AHCYL2: variants seen among roughly 807,000 people sequenced by gnomAD.
AHCYL2 encodes adenosylhomocysteinase like 2, also known as S-adenosylhomocysteine hydrolase-like protein 2.
A neutral mutation model predicts 81.4 loss-of-function variants in AHCYL2; 28 were observed. The observed-to-expected ratio is 0.34, with a 90% CI of 0.25 to 0.47. The LOEUF (loss-of-function observed/expected upper bound fraction) is 0.47, where lower values mean the gene tolerates loss of function less well. AHCYL2 is among the 20% of genes least tolerant of loss of function. The pLI is 1.00. For missense variants in AHCYL2, 551 were observed against 785.1 expected (o/e 0.70, Z 3.56); for synonymous variants, 272 against 290.2 (o/e 0.94, Z 0.64).
intron 1 of AHCYL2, among the ~76,000 whole-genome samples, chr7:129,359,008 T>G (rs1793841101): frequency 6.6e-6 from 1 of 152,198 alleles, no homozygotes; most frequent in African/African-American, 2.4e-5. Flanking sequence ...CCTAGATATA[T>G]ATCCGTAGAA....
At chr7:129,261,275 G>C (rs1387996496) in intron 1 of AHCYL2, among the ~76,000 whole-genome samples, 2 of 151,900 alleles carry the variant, frequency 1.3e-5, no homozygotes, top group Non-Finnish European at 2.9e-5. Flanking sequence ...GATAGGTTTA[G>C]ATCACCAGAA....
chr7:129,353,192 C>T (rs190833410), intron 1 of AHCYL2, among the ~76,000 whole-genome samples: 1 of 152,138 alleles, frequency 6.6e-6, no homozygotes, highest in African/African-American at 2.4e-5. Context: ...AGGTGATCCA[C>T]CTGCCTCGGC....
At chr7:129,243,164 G>C (rs1310966173) in intron 1 of AHCYL2, among the ~76,000 whole-genome samples, 1 of 151,712 alleles carries the variant, frequency 6.6e-6, no homozygotes, top group Non-Finnish European at 1.5e-5. Flanking sequence ...GGGATTACAG[G>C]CGCCTGCCAC....
chr7:129,327,543 T>C (rs1344491971), intron 1 of AHCYL2, among the ~76,000 whole-genome samples: 2 of 152,154 alleles, frequency 1.3e-5, no homozygotes, highest in African/African-American at 4.8e-5. Flanking sequence ...CTTGGCTTAC[T>C]GCAACCTCTG....
intron 1 of AHCYL2, among the ~76,000 whole-genome samples, chr7:129,250,046 C>CTGT (rs59434553): frequency 3.3e-3 from 508 of 152,246 alleles, no homozygotes; most frequent in African/African-American, 0.012. Flanking sequence ...TGGCCCACAC[C>CTGT]ACTCCCAACT....
chr7:129,398,327 T>C (rs1012218889), intron 5 of AHCYL2, among the ~76,000 whole-genome samples: 1 of 144,494 alleles, frequency 6.9e-6, no homozygotes, highest in Non-Finnish European at 1.5e-5. Context: ...TTTTTTCTGT[T>C]TTTTTTTTTA....
rs922550669 is a variant in AHCYL2, at chr7:129,279,565, T to C, written c.363+54126T>C. On this transcript the variant is annotated intron_variant, in intron 1 of 16. Transcript: ENST00000325006. ...CTTGGTTCTCATGCAAGAAAGAATT[T>C]GTGGTGAGTCCACAGAGTAAAATGA... Among the ~76,000 whole-genome samples, 7 of 152,362 alleles carry C rather than the reference T, an allele frequency of 4.6e-5. No individual in the cohort carries two copies. In the South Asian group the frequency reaches 8.3e-4, roughly 18 times the overall value.
At chr7:129,267,232 T>G (rs371013289) in intron 1 of AHCYL2, among the ~76,000 whole-genome samples, 410 of 37,550 alleles carry the variant, frequency 0.011, 6 homozygotes, top group African/African-American at 0.023. Flanking sequence ...ACTCAAGGGG[T>G]GTGTGTGTGT....
chr7:129,335,054 A>T (rs568933045), intron 1 of AHCYL2, among the ~76,000 whole-genome samples: 5 of 152,148 alleles, frequency 3.3e-5, no homozygotes, highest in South Asian at 4.1e-4. Context: ...GAATTTTTTT[A>T]AAAATTGTCT....
In AHCYL2 at chr7:129,392,545, C is replaced by T. The variant is rs1795520129; in HGVS notation, c.720+2811C>T. On this transcript the variant is annotated intron_variant, in intron 4 of 16. Transcript: ENST00000325006. ...TTCCATAATCACCTTTTAATACCAT[C>T]GCCTAGGGGGTTAGTTTTTAACATA... is the stretch of plus-strand genomic sequence containing the variant. 3.9e-5 allele frequency among the ~76,000 whole-genome samples: 6 copies of T among 152,174 alleles called. 1 individual carries two copies. The highest frequency in any genetic ancestry group is 2.6e-4 in the Admixed American group (4 of 15,272).
At chr7:129,377,328 C>T (rs182549344) in intron 1 of AHCYL2, among the ~76,000 whole-genome samples, 1 of 152,134 alleles carries the variant, frequency 6.6e-6, no homozygotes, top group African/African-American at 2.4e-5. Context: ...TCATCTTTGT[C>T]ATTTTTTTTA....
chr7:129,379,478 A>G (rs1413414640), intron 1 of AHCYL2, among the ~76,000 whole-genome samples, 160 bp from the exon 2 acceptor site: 1 of 152,092 alleles, frequency 6.6e-6, no homozygotes, highest in Admixed American at 6.5e-5. Flanking sequence ...AAGAAGAATG[A>G]AAAAGTATTC....
intron 1 of AHCYL2, among the ~76,000 whole-genome samples, chr7:129,300,888 G>T (rs189197537): frequency 6.6e-6 from 1 of 152,128 alleles, no homozygotes; most frequent in Non-Finnish European, 1.5e-5. Flanking sequence ...AGGCTGGAGC[G>T]CAGTGGCACA....
At chr7:129,246,152 G>A (rs1437662775) in intron 1 of AHCYL2, among the ~76,000 whole-genome samples, 1 of 150,908 alleles carries the variant, frequency 6.6e-6, no homozygotes, top group South Asian at 2.1e-4. Flanking sequence ...TCTGCCTCCC[G>A]GGTTCAAGTG....
At chr7:129,278,344 G>A (rs1395298351) in intron 1 of AHCYL2, among the ~76,000 whole-genome samples, 2 of 151,916 alleles carry the variant, frequency 1.3e-5, no homozygotes, top group Non-Finnish European at 2.9e-5. Flanking sequence ...CCAGTGTGTT[G>A]GGATTACAGG....
chr7:129,268,208 T>C (rs1477388885), intron 1 of AHCYL2, among the ~76,000 whole-genome samples: 1 of 152,218 alleles, frequency 6.6e-6, no homozygotes, highest in Non-Finnish European at 1.5e-5. Flanking sequence ...TTGAGGATCT[T>C]GTTTTTACCA....
chr7:129,370,177 G>A (rs75046454), intron 1 of AHCYL2, among the ~76,000 whole-genome samples: 12,907 of 152,116 alleles, frequency 0.085, 764 homozygotes, highest in South Asian at 0.19. Context: ...AGTCCTCACC[G>A]TCTTACAAGC....
chr7:129,268,279 G>T (rs1795886340), intron 1 of AHCYL2, among the ~76,000 whole-genome samples: 1 of 152,184 alleles, frequency 6.6e-6, no homozygotes, highest in Non-Finnish European at 1.5e-5. Flanking sequence ...GTTTTGGAAA[G>T]ATCAAGGTAT....
chr7:129,398,826 A>C (rs555510833), intron 5 of AHCYL2, among the ~76,000 whole-genome samples: 1 of 152,242 alleles, frequency 6.6e-6, no homozygotes, highest in Admixed American at 6.5e-5. Flanking sequence ...CATATATAAT[A>C]AATGCCATGA....
Sources: gnomAD v4.1 joint callset for allele counts (sites outside exome capture counted in the v4.1 genomes callset) on GRCh38, gnomAD v4.1.1 for gene constraint, MANE v1.5 for transcripts, NCBI Gene and HGNC (gene_info 2026-07-23, HGNC 2026-07-21) for gene names.